The following ITGA4 variants were observed in gnomAD, a reference collection of about 807,000 sequenced individuals.
ITGA4 encodes the protein integrin alpha-4.
Under a neutral mutation model 133.6 loss-of-function variants are expected in ITGA4, and 63 were observed. The observed-to-expected ratio is 0.47, with a 90% CI of 0.38 to 0.58. ITGA4 has a LOEUF of 0.58. Ranked by LOEUF, ITGA4 falls within the 20% of genes least tolerant of loss-of-function variation. The probability of loss-of-function intolerance (pLI) is 0.00; values close to 1 mark genes in which losing one functional copy is unlikely to be tolerated. For synonymous variants in ITGA4, 483 were observed against 438.0 expected (o/e 1.10, Z -1.28); for missense variants, 1,076 against 1,252.7 (o/e 0.86, Z 2.13).
intron 6 of ITGA4, among the ~76,000 whole-genome samples, chr2:181,481,393 A>G (rs1223528636): frequency 6.6e-6 from 1 of 152,240 alleles, no homozygotes; most frequent in Non-Finnish European, 1.5e-5. Context: ...AATACATACC[A>G]TATGACTGCA....
At chr2:181,484,492 T>C (rs548666671) in intron 9 of ITGA4, among the ~76,000 whole-genome samples, 1 of 152,280 alleles carries the variant, frequency 6.6e-6, no homozygotes, top group African/African-American at 2.4e-5. Flanking sequence ...ACTCCTTAAT[T>C]TGGACATTTG....
rs914056298 is a variant in ITGA4, at chr2:181,525,244, G to A, written c.2292G>A (p.Val764=). The A allele has an allele frequency of 1.9e-6, 3 of 1,608,736 alleles. No individual in the cohort carries two copies. Among genetic ancestry groups the A allele is most frequent in the African/African-American group, 2.7e-5 (2 of 74,800 alleles). Reference sequence around the variant, plus strand: ...TGGACAATCTAAAGCACAGCAGAGTGACTGTAGCAATACCTTTAAAATATG... The same window carrying A: ...TGGACAATCTAAAGCACAGCAGAGTAACTGTAGCAATACCTTTAAAATATG... The part of the protein sequence containing the change: ...EEMDNLKHSR[V]TVAIPLKYEV... Residue 764 remains valine (V), a synonymous_variant, in exon 21 of 28, where the codon GTG becomes GTA. Coordinates refer to ENST00000397033, the MANE Select transcript of ITGA4 (RefSeq NM_000885.6).
At chr2:181,458,809 T>C (rs1382825485) in intron 2 of ITGA4, 1 of 155,078 alleles carries the variant, frequency 6.4e-6, no homozygotes, top group East Asian at 1.9e-4. Flanking sequence ...TTACTTACAA[T>C]ATACAATCTA....
rs1369953305 is a variant in ITGA4, at chr2:181,530,570, C to T, written c.2585C>T (p.Ala862Val). The T allele has an allele frequency of 6.2e-7, 1 of 1,612,622 alleles. No homozygotes were observed. The highest frequency in any genetic ancestry group is 2.2e-5 in the East Asian group (1 of 44,818). Residue 862 changes from alanine to valine, a missense_variant, in exon 24 of 28, where the codon GCA (alanine) becomes GTA (valine). Ala to Val is a moderately conservative substitution (Grantham distance 64, BLOSUM62 0). Transcript: ENST00000397033. ...CHFENYQRVC[A>V]LEQQKSAMQT... ...TTTGAAAATTATCAAAGAGTGTGTG[C>T]ATTAGAGCAGCAAAAGAGTGCAATG...
Position 181,457,549 on chromosome 2 carries a change from C to G in ITGA4, c.-106C>G. 1 of 1,038,568 alleles carries G rather than the reference C, an allele frequency of 9.6e-7. No homozygotes were observed. Among genetic ancestry groups the G allele is most frequent in the South Asian group, 1.5e-5 (1 of 65,400 alleles). The allele number at this position is 1,038,568 out of a possible 1,614,324, so 64.3% of individuals were successfully genotyped here. A position where few individuals can be genotyped will look rare whatever the true frequency, so the allele number is the denominator to read the frequency against. On this transcript the variant is annotated 5_prime_UTR_variant, in exon 1 of 28. Transcript: ENST00000397033. The stretch of plus-strand genomic sequence containing the variant: ...CTTTAGCCCGCTGGCGCCGGACACG[C>G]TGCGCCTCATCTCTTGGGGCGTTCT...
chr2:181,530,711 ATCAAG>A (rs1166550243), intron 24 of ITGA4, 62 bp downstream of exon 24: 2 of 1,479,756 alleles, frequency 1.4e-6, no homozygotes, highest in African/African-American at 1.4e-5. Flanking sequence ...GACACTTAAA[ATCAAG>A]TCAATGGGTT....
intron 15 of ITGA4, among the ~76,000 whole-genome samples, chr2:181,508,988 A>G (rs139298590): frequency 7.2e-5 from 11 of 151,748 alleles, no homozygotes; most frequent in African/African-American, 2.2e-4. Context: ...ATAAATATGA[A>G]AAAATGGGCT....
In ITGA4 at chr2:181,523,316, G is replaced by A; in HGVS notation, c.2074-121G>A. On this transcript the variant is annotated intron_variant, in intron 18 of 27. Coordinates refer to ENST00000397033, the MANE Select transcript of ITGA4 (RefSeq NM_000885.6). The surrounding 1 kb of genome is among the most constrained non-coding windows in gnomAD (Gnocchi z 4.2). Reference sequence around the variant, plus strand: ...ATCTCAAACATATAAATAGAAAATAGTTTTCCTAGAAAAGCAAATACTTCT... The same window carrying A: ...ATCTCAAACATATAAATAGAAAATAATTTTCCTAGAAAAGCAAATACTTCT... 4.9e-6 allele frequency: 3 copies of A among 606,308 alleles called. No individual in the cohort carries two copies. The highest frequency in any genetic ancestry group is 8.9e-6 in the Non-Finnish European group (3 of 338,948). The allele number at this position is 606,308 out of a possible 1,614,324, so 37.6% of individuals were successfully genotyped here.
chr2:181,518,443 C>A (rs1686653713), intron 17 of ITGA4, among the ~76,000 whole-genome samples: 1 of 152,084 alleles, frequency 6.6e-6, no homozygotes, highest in South Asian at 2.1e-4. Context: ...AGAACTGCAT[C>A]CTATGCCATC....
At chr2:181,519,811 G>C (rs115344827) in intron 17 of ITGA4, among the ~76,000 whole-genome samples, 1 of 152,192 alleles carries the variant, frequency 6.6e-6, no homozygotes, top group African/African-American at 2.4e-5. Context: ...ACGGTTTAAG[G>C]CTATAACGTG....
intron 2 of ITGA4, among the ~76,000 whole-genome samples, chr2:181,462,008 TTAG>T (rs1197681674): frequency 2.0e-5 from 3 of 152,192 alleles, no homozygotes; most frequent in Admixed American, 6.5e-5. Flanking sequence ...AAATAAAATT[TTAG>T]GTTAAATAAA....
intron 27 of ITGA4, among the ~76,000 whole-genome samples, 184 bp from the exon 28 acceptor site, chr2:181,535,248 T>G (rs1687037141): frequency 6.6e-6 from 1 of 152,146 alleles, no homozygotes; most frequent in African/African-American, 2.4e-5. Context: ...ACAAAAATGT[T>G]TCTTTAACCC....
chr2:181,479,312 A>G (rs1038517629), intron 5 of ITGA4: 1 of 152,060 alleles, frequency 6.6e-6, no homozygotes, highest in Non-Finnish European at 1.5e-5. Flanking sequence ...TAGGATATGT[A>G]TGAAAGGGCA....
rs201896816 is a variant in ITGA4, at chr2:181,457,450, G to A, written c.-205G>A. ...AAACCGGGAGTGGGGCCGGGCGAGTGCGCGGCATCCCAGGCCGGCCCGAAC... is the reference window on the plus strand; with the variant it reads ...AAACCGGGAGTGGGGCCGGGCGAGTACGCGGCATCCCAGGCCGGCCCGAAC... On this transcript the variant is annotated 5_prime_UTR_variant, in exon 1 of 28. Transcript: ENST00000397033. 2.0e-4 allele frequency: 108 copies of A among 535,982 alleles called. 2 individuals carry two copies. The South Asian group carries it at 2.3e-3, about 12-fold the overall frequency. The allele number at this position is 535,982 out of a possible 1,614,324, so 33.2% of individuals were successfully genotyped here.
chr2:181,520,423 A>T (rs1265213818), intron 17 of ITGA4, among the ~76,000 whole-genome samples: 1 of 151,986 alleles, frequency 6.6e-6, no homozygotes, highest in Non-Finnish European at 1.5e-5. Flanking sequence ...CATGCTAAGG[A>T]GTTGGAACTC....
rs1178611538 is a variant in ITGA4 at position 181,495,447 on chromosome 2, C to A, written c.1385+31C>A. On this transcript the variant is annotated intron_variant, in intron 13 of 27. Transcript: ENST00000397033. The surrounding 1 kb of genome is among the most constrained non-coding windows in gnomAD (Gnocchi z 4.3). ...ACTGATATATTTCACTGCTTAATTG[C>A]AATTTGGTTTAATTGTAAAATGATG... The A allele has an allele frequency of 6.5e-7, 1 of 1,541,054 alleles. No individual in the cohort carries two copies. The highest frequency in any genetic ancestry group is 9.0e-7 in the Non-Finnish European group (1 of 1,114,246).
intron 9 of ITGA4, among the ~76,000 whole-genome samples, chr2:181,484,434 C>T (rs1685871124): frequency 1.3e-5 from 2 of 152,154 alleles, no homozygotes; most frequent in Admixed American, 6.6e-5. Flanking sequence ...ATTGCATTGT[C>T]TTAAGTCTAT....
intron 2 of ITGA4, among the ~76,000 whole-genome samples, chr2:181,474,595 T>C (rs1156243437): frequency 1.3e-5 from 2 of 152,362 alleles, no homozygotes; most frequent in South Asian, 4.1e-4. Context: ...TCTGATAATA[T>C]TGCTTACGTT....
chr2:181,457,785 A>G lies in ITGA4; in HGVS notation c.131A>G (p.Tyr44Cys). The change falls in exon 1 of 28, where the codon TAC becomes TGC. Residue 44 changes from tyrosine (Y) to cysteine (C), a missense_variant. By Grantham distance (194) the Tyr-to-Cys change is radical (BLOSUM62 -2). Around this residue, in one of 4 missense-constraint regions of ITGA4, gnomAD observed 82 missense variants for 68.3 expected, o/e 1.20. Coordinates refer to ENST00000397033, the MANE Select transcript of ITGA4 (RefSeq NM_000885.6). ...YNVDTESALL[Y>C]QGPHNTLFGY... ...GTGGACACTGAGAGCGCGCTGCTTTACCAGGGCCCCCACAACACGCTGTTC... is the reference window on the plus strand; with the variant it reads ...GTGGACACTGAGAGCGCGCTGCTTTGCCAGGGCCCCCACAACACGCTGTTC... 1 of 1,613,682 alleles carries G rather than the reference A, an allele frequency of 6.2e-7. No individual in the cohort carries two copies. Among genetic ancestry groups the G allele is most frequent in the Non-Finnish European group, 8.5e-7 (1 of 1,179,970 alleles).
Sources: allele counts gnomAD v4.1 joint callset (sites outside exome capture counted in the v4.1 genomes callset), GRCh38; gene constraint gnomAD v4.1.1; regional missense constraint gnomAD v4.1.1; non-coding constraint Gnocchi (gnomAD v3.1); transcripts MANE v1.5; gene names NCBI Gene and HGNC (gene_info 2026-07-23, HGNC 2026-07-21).